Variants in TMEM163 observed in about 807,000 individuals in gnomAD.
TMEM163 encodes transmembrane protein 163.
Under a neutral mutation model 29.3 loss-of-function variants are expected in TMEM163, and 17 were observed. The ratio of observed to expected loss-of-function variants is 0.58; its 90% confidence interval spans 0.40 to 0.87. The LOEUF (loss-of-function observed/expected upper bound fraction) is 0.87, where lower values mean the gene tolerates loss of function less well. Among genes scored for constraint, TMEM163 ranks in the 40% least tolerant of loss-of-function variants. The pLI, the probability that TMEM163 is intolerant of heterozygous loss-of-function variation, is 0.00. For missense variants in TMEM163, 303 were observed against 381.5 expected (o/e 0.79, Z 1.71); for synonymous variants, 157 against 160.6 (o/e 0.98, Z 0.17).
At chr2:134,618,579 A>G (rs767980177) in intron 2 of TMEM163, among the ~76,000 whole-genome samples, 123 of 152,334 alleles carry the variant, frequency 8.1e-4, no homozygotes, top group Non-Finnish European at 1.3e-3. Context: ...ATCTAACAAG[A>G]GCAAGATTAT....
At chr2:134,547,725 A>T (rs1012952678) in intron 4 of TMEM163, among the ~76,000 whole-genome samples, 1 of 152,230 alleles carries the variant, frequency 6.6e-6, no homozygotes, top group Non-Finnish European at 1.5e-5. Context: ...AAGTGAATTC[A>T]TTGGCATTGG....
At chr2:134,464,106 G>A (rs375578332) in intron 6 of TMEM163, among the ~76,000 whole-genome samples, 1 of 152,192 alleles carries the variant, frequency 6.6e-6, no homozygotes, top group South Asian at 2.1e-4. Flanking sequence ...TGAACTAAAG[G>A]CTTCCTCAAC....
At chr2:134,602,624 C>T (rs1682260948) in intron 2 of TMEM163, among the ~76,000 whole-genome samples, 1 of 152,180 alleles carries the variant, frequency 6.6e-6, no homozygotes. Context: ...AAAGAACCAG[C>T]ATCACTGAGG....
chr2:134,503,021 A>G (rs1388222027), intron 4 of TMEM163, 24 bp from the exon 5 acceptor site: 1 of 1,595,664 alleles, frequency 6.3e-7, no homozygotes, highest in Non-Finnish European at 8.6e-7. Context: ...AACATTGAGA[A>G]TCTTAACTGG....
intron 4 of TMEM163, among the ~76,000 whole-genome samples, chr2:134,515,662 C>G (rs189649629): frequency 2.0e-5 from 3 of 152,100 alleles, no homozygotes; most frequent in Admixed American, 2.0e-4. Flanking sequence ...ATTCAGTTGA[C>G]TATCAGATGC....
At chr2:134,481,097 G>C (rs1687042751) in intron 5 of TMEM163, among the ~76,000 whole-genome samples, 1 of 152,146 alleles carries the variant, frequency 6.6e-6, no homozygotes. Context: ...AATTTGGTGG[G>C]GGAGGGGGAC....
At chr2:134,596,001 T>A (rs573089196) in intron 2 of TMEM163, among the ~76,000 whole-genome samples, 5 of 152,242 alleles carry the variant, frequency 3.3e-5, no homozygotes, top group Non-Finnish European at 7.3e-5. Context: ...CTTTGTAGAT[T>A]CTGGATATTA....
At chr2:134,549,610 C>G (rs113821247) in intron 4 of TMEM163, among the ~76,000 whole-genome samples, 3,823 of 152,220 alleles carry the variant, frequency 0.025, 87 homozygotes, top group African/African-American at 0.059. Context: ...TCCCAAAGTG[C>G]TGGAATTACA....
At chr2:134,578,996 G>A (rs146421739) in intron 2 of TMEM163, among the ~76,000 whole-genome samples, 39 of 152,228 alleles carry the variant, frequency 2.6e-4, no homozygotes, top group African/African-American at 8.9e-4. Context: ...GGAAGTAGAT[G>A]GTTCAGTTAT....
chr2:134,475,462 C>T (rs1195572334), intron 5 of TMEM163, among the ~76,000 whole-genome samples: 1 of 152,004 alleles, frequency 6.6e-6, no homozygotes, highest in Non-Finnish European at 1.5e-5. Flanking sequence ...TGACAAAAAA[C>T]AAGCACTAAT....
At chr2:134,574,517 G>A (rs956457988) in intron 2 of TMEM163, among the ~76,000 whole-genome samples, 5 of 152,170 alleles carry the variant, frequency 3.3e-5, no homozygotes, top group African/African-American at 9.7e-5. Context: ...CCAAGATCGC[G>A]CCACTGCACT....
chr2:134,694,432 G>C (rs533993450), intron 2 of TMEM163, among the ~76,000 whole-genome samples: 1 of 152,316 alleles, frequency 6.6e-6, no homozygotes, highest in Non-Finnish European at 1.5e-5. Flanking sequence ...TAAAGGACTA[G>C]TGTCATTATC....
At position 134,607,030 on chromosome 2, in the gene TMEM163, C is replaced by A. The variant is rs1333676085; in HGVS notation, c.323-54939G>T. Among the ~76,000 whole-genome samples the A allele has an allele frequency of 3.4e-4, 45 of 132,108 alleles. No homozygotes were observed. In the East Asian group the frequency reaches 7.8e-3, roughly 23 times the overall value. 86.7% of individuals were successfully genotyped at this position (132,108 alleles called of 152,430 possible). A position where few individuals can be genotyped will look rare whatever the true frequency, so the allele number is the denominator to read the frequency against. On this transcript the variant is annotated intron_variant, in intron 2 of 7. Coordinates refer to ENST00000281924, the MANE Select transcript of TMEM163 (RefSeq NM_030923.5). Reference sequence around the variant, plus strand: ...AAAAGGACAGACCCCGAGAACTGTGCTGGTGAAAAGGACAGACCCCGAGAA... The same window carrying A: ...AAAAGGACAGACCCCGAGAACTGTGATGGTGAAAAGGACAGACCCCGAGAA...
chr2:134,616,294 C>A (rs980423145), intron 2 of TMEM163, among the ~76,000 whole-genome samples: 2 of 152,158 alleles, frequency 1.3e-5, no homozygotes, highest in African/African-American at 4.8e-5. Flanking sequence ...CACCAGAGAG[C>A]CCTTCTTCAC....
chr2:134,620,121 G>T (rs1682697841), intron 2 of TMEM163, among the ~76,000 whole-genome samples: 1 of 152,000 alleles, frequency 6.6e-6, no homozygotes, highest in Admixed American at 6.6e-5. Context: ...ATCCCAGCAG[G>T]TTTACTTATT....
At chr2:134,629,677 T>C (rs1682927687) in intron 2 of TMEM163, among the ~76,000 whole-genome samples, 1 of 152,238 alleles carries the variant, frequency 6.6e-6, no homozygotes, top group Non-Finnish European at 1.5e-5. Context: ...GCATATTTAC[T>C]TTTCTAAATA....
At chr2:134,492,046 A>G (rs1265451394) in intron 5 of TMEM163, among the ~76,000 whole-genome samples, 1 of 152,194 alleles carries the variant, frequency 6.6e-6, no homozygotes. Flanking sequence ...ACTGCATGAG[A>G]TCGGCCGTGG....
chr2:134,465,935 T>C (rs899157446), intron 6 of TMEM163, among the ~76,000 whole-genome samples, 179 bp downstream of exon 6: 3 of 152,174 alleles, frequency 2.0e-5, no homozygotes, highest in Non-Finnish European at 4.4e-5. Context: ...GCACAGGATA[T>C]CTGCCCTGAT....
At chr2:134,628,236 A>G (rs1243498630) in intron 2 of TMEM163, among the ~76,000 whole-genome samples, 2 of 152,264 alleles carry the variant, frequency 1.3e-5, no homozygotes, top group African/African-American at 4.8e-5. Flanking sequence ...TTCTTGAAGT[A>G]TTGTTCACAA....
Sources: gnomAD v4.1 joint callset for allele counts (sites outside exome capture counted in the v4.1 genomes callset) on GRCh38, gnomAD v4.1.1 for gene constraint, MANE v1.5 for transcripts, NCBI Gene and HGNC (gene_info 2026-07-23, HGNC 2026-07-21) for gene names.